Variants in PRKCB observed in about 807,000 individuals in gnomAD.
The protein encoded by PRKCB is protein kinase C beta type.
In PRKCB, 13 loss-of-function variants were observed where a neutral mutation model predicts 81.5. The ratio of observed to expected loss-of-function variants is 0.16; its 90% CI spans 0.10 to 0.25. PRKCB has a LOEUF of 0.25. PRKCB is among the 10% of genes least tolerant of loss of function. PRKCB has a pLI of 1.00. For missense variants in PRKCB, 509 were observed against 875.7 expected (o/e 0.58, Z 5.29); for synonymous variants, 335 against 321.4 (o/e 1.04, Z -0.45).
At chr16:23,994,957 G>A (rs1315195484) in intron 3 of PRKCB, among the ~76,000 whole-genome samples, 1 of 152,140 alleles carries the variant, frequency 6.6e-6, no homozygotes, top group East Asian at 1.9e-4. Context: ...ATGACATTAT[G>A]CTGATTTGTC....
intron 3 of PRKCB, among the ~76,000 whole-genome samples, chr16:24,016,271 G>A (rs886115584): frequency 6.6e-6 from 1 of 152,066 alleles, no homozygotes; most frequent in African/African-American, 2.4e-5. Context: ...GGCTCACCAC[G>A]GCTGTGAGTT....
At chr16:23,891,534 T>C (rs1419094806) in intron 2 of PRKCB, among the ~76,000 whole-genome samples, 1 of 152,208 alleles carries the variant, frequency 6.6e-6, no homozygotes, top group African/African-American at 2.4e-5. Context: ...AGGGGCTCTC[T>C]TGGACACTTC....
intron 5 of PRKCB, among the ~76,000 whole-genome samples, chr16:24,065,852 A>G (rs1238142653): frequency 6.6e-6 from 1 of 152,184 alleles, no homozygotes; most frequent in African/African-American, 2.4e-5. Context: ...CTGGGGAAAA[A>G]AAATCTTTAT....
chr16:24,149,226 A>C (rs1435934285), intron 9 of PRKCB, among the ~76,000 whole-genome samples: 1 of 152,216 alleles, frequency 6.6e-6, no homozygotes, highest in Non-Finnish European at 1.5e-5. Context: ...CTGTTCATTA[A>C]GGCAGCCGCA....
intron 3 of PRKCB, among the ~76,000 whole-genome samples, chr16:24,003,629 C>T (rs1387565886): frequency 6.6e-6 from 1 of 152,138 alleles, no homozygotes; most frequent in East Asian, 1.9e-4. Context: ...AAGTGATCTC[C>T]CTGTCTCAGC....
intron 3 of PRKCB, among the ~76,000 whole-genome samples, chr16:24,021,188 C>CTCTTTCTTTCTTTCTTTCTT (rs58292773): frequency 6.4e-5 from 4 of 62,070 alleles, no homozygotes; most frequent in African/African-American, 2.9e-4. Flanking sequence ...CCCTTCCTTC[C>CTCTTTCTTTCTTTCTTTCTT]TCTTTCTTTC....
chr16:24,140,372 G>A (rs1004557650), intron 9 of PRKCB, among the ~76,000 whole-genome samples: 4 of 152,146 alleles, frequency 2.6e-5, no homozygotes, highest in East Asian at 1.9e-4. Flanking sequence ...GTAACCACCC[G>A]GTGGGATCTT....
In PRKCB at chr16:24,097,032, C is replaced by CT. The variant is rs35055699; in HGVS notation, c.821+2757dup. Among the ~76,000 whole-genome samples the CT allele has an allele frequency of 5.8e-3, 483 of 82,688 alleles. 7 individuals are homozygous for CT. Among genetic ancestry groups the CT allele is most frequent in the Middle Eastern group, 9.6e-3 (1 of 104 alleles). 54.2% of individuals were successfully genotyped at this position (82,688 alleles called of 152,430 possible). On this transcript the variant is annotated intron_variant, in intron 7 of 16. Coordinates refer to ENST00000643927, the MANE Select transcript of PRKCB (RefSeq NM_002738.7). Reference sequence around the variant, plus strand: ...CTTGGCTCCATGTTTCATCTTAGGCCTTTTTTTTTTTTTTTTTTTTTTGAG... The same window carrying CT: ...CTTGGCTCCATGTTTCATCTTAGGCCTTTTTTTTTTTTTTTTTTTTTTTGAG...
At chr16:23,940,346 C>G (rs1207288529) in intron 2 of PRKCB, among the ~76,000 whole-genome samples, 1 of 151,896 alleles carries the variant, frequency 6.6e-6, no homozygotes, top group Admixed American at 6.6e-5. Flanking sequence ...GGGCATCTAT[C>G]CTAGATAAAT....
At chr16:24,020,972 TTCTTTTTCTTTCTTTCTTTC>T (rs1965352043) in intron 3 of PRKCB, among the ~76,000 whole-genome samples, 1 of 98,158 alleles carries the variant, frequency 1.0e-5, no homozygotes, top group African/African-American at 3.9e-5. Context: ...AGAGAGACTT[TTCTTTTTCTTTCTTTCTTTC>T]TTTCTTTCTT....
intron 7 of PRKCB, chr16:24,098,263 G>T (rs977027620): frequency 1.3e-5 from 2 of 152,206 alleles, no homozygotes; most frequent in Admixed American, 1.3e-4. Context: ...ATTGGCCAAA[G>T]ATTTCCTTAG....
At chr16:24,021,279 T>C in intron 3 of PRKCB, among the ~76,000 whole-genome samples, 1 of 120,126 alleles carries the variant, frequency 8.3e-6, no homozygotes, top group Non-Finnish European at 1.7e-5. Flanking sequence ...TTTCTTTCTT[T>C]TCTCCCTCTC....
chr16:24,182,902 T>TGTGTGTGTGTGTG (rs56902454), intron 13 of PRKCB, among the ~76,000 whole-genome samples: 12 of 151,534 alleles, frequency 7.9e-5, no homozygotes, highest in Admixed American at 2.6e-4. Flanking sequence ...TGTGTGTGTG[T>TGTGTGTGTGTGTG]TTGAGACAGG....
chr16:23,931,634 C>G (rs920010760), intron 2 of PRKCB, among the ~76,000 whole-genome samples: 1 of 152,072 alleles, frequency 6.6e-6, no homozygotes, highest in Non-Finnish European at 1.5e-5. Context: ...TCAGTAGAAG[C>G]TTCCTCCCTC....
chr16:23,913,252 A>T (rs1238770226), intron 2 of PRKCB, among the ~76,000 whole-genome samples: 1 of 152,048 alleles, frequency 6.6e-6, no homozygotes, highest in East Asian at 1.9e-4. Flanking sequence ...AGAGAACACA[A>T]GGGGAGACCC....
At chr16:24,053,775 G>A (rs568933041) in intron 5 of PRKCB, among the ~76,000 whole-genome samples, 4 of 152,232 alleles carry the variant, frequency 2.6e-5, no homozygotes, top group East Asian at 3.9e-4. Flanking sequence ...GAGCATGTTC[G>A]GTGTGCTTGA....
chr16:24,172,394 G>A (rs769091210), intron 11 of PRKCB, 33 bp downstream of exon 11: 10 of 1,579,762 alleles, frequency 6.3e-6, no homozygotes, highest in Middle Eastern at 1.7e-4. Flanking sequence ...CTTTCTCCTT[G>A]GGATAAATGG....
At chr16:24,068,438 TCCTTTGC>T (rs1966065298) in intron 5 of PRKCB, among the ~76,000 whole-genome samples, 1 of 150,192 alleles carries the variant, frequency 6.7e-6, no homozygotes, top group African/African-American at 2.5e-5. Flanking sequence ...AGCTTCTTAG[TCCTTTGC>T]CCTGTGTTGA....
At chr16:24,180,980 C>G in intron 13 of PRKCB, 52 bp downstream of exon 13, 2 of 1,594,668 alleles carry the variant, frequency 1.3e-6, no homozygotes, top group Non-Finnish European at 1.7e-6. Flanking sequence ...CCTCTGCTCC[C>G]CAGATGGCTG....
Sources: allele counts gnomAD v4.1 joint callset (sites outside exome capture counted in the v4.1 genomes callset), GRCh38; gene constraint gnomAD v4.1.1; transcripts MANE v1.5; gene names NCBI Gene and HGNC (gene_info 2026-07-23, HGNC 2026-07-21).